The following SPOPL variants were observed in gnomAD, a reference collection of about 807,000 sequenced individuals.
The protein encoded by SPOPL is speckle-type POZ protein-like.
SPOPL carries 23 observed loss-of-function variants against 53.8 expected under a neutral mutation model. The observed-to-expected ratio is 0.43, with a 90% confidence interval of 0.31 to 0.61. SPOPL has a LOEUF of 0.61. Ranked by LOEUF, SPOPL falls within the 20% of genes least tolerant of loss-of-function variation. SPOPL has a pLI of 0.12. For synonymous variants in SPOPL, 164 were observed against 149.7 expected, an observed-to-expected ratio of 1.10 and a Z score of -0.70; for missense variants, 442 against 466.9, an observed-to-expected ratio of 0.95 and a Z score of 0.49.
At chr2:138,533,544 C>T (rs1684859774) in intron 1 of SPOPL, among the ~76,000 whole-genome samples, 1 of 151,798 alleles carries the variant, frequency 6.6e-6, no homozygotes, top group African/African-American at 2.4e-5. Flanking sequence ...ATTGTATTTC[C>T]CTAAAGTCAT....
chr2:138,550,332 A>T, intron 2 of SPOPL, 38 bp downstream of exon 2: 1 of 1,610,470 alleles, frequency 6.2e-7, no homozygotes, highest in African/African-American at 1.3e-5. Context: ...TATGTCACTT[A>T]TAAATTTTAC....
At chr2:138,524,228 T>C (rs530918794) in intron 1 of SPOPL, among the ~76,000 whole-genome samples, 1 of 152,334 alleles carries the variant, frequency 6.6e-6, no homozygotes, top group African/African-American at 2.4e-5. Flanking sequence ...GCCTGAGCTG[T>C]ACCTTGACCC....
intron 1 of SPOPL, among the ~76,000 whole-genome samples, chr2:138,511,149 T>G (rs1248927146): frequency 6.6e-6 from 1 of 152,222 alleles, no homozygotes; most frequent in Non-Finnish European, 1.5e-5. Flanking sequence ...TGTAAGCATT[T>G]TATCAATGGC....
intron 1 of SPOPL, among the ~76,000 whole-genome samples, chr2:138,543,556 G>T (rs1005163228): frequency 1.3e-5 from 2 of 152,050 alleles, no homozygotes. Flanking sequence ...ATTCATCACG[G>T]AGTTCTCGTG....
At chr2:138,511,914 C>A (rs1684332898) in intron 1 of SPOPL, among the ~76,000 whole-genome samples, 1 of 152,060 alleles carries the variant, frequency 6.6e-6, no homozygotes, top group Admixed American at 6.6e-5. Context: ...TACTTAAAGT[C>A]TTAGTTTTCT....
At chr2:138,567,644 C>T (rs536422865) in intron 10 of SPOPL, among the ~76,000 whole-genome samples, 4 of 151,902 alleles carry the variant, frequency 2.6e-5, no homozygotes, top group Admixed American at 1.3e-4. Context: ...GGGGAGGTTG[C>T]GGTGGCAATA....
At chr2:138,519,610 G>A (rs1170740649) in intron 1 of SPOPL, among the ~76,000 whole-genome samples, 1 of 152,064 alleles carries the variant, frequency 6.6e-6, no homozygotes, top group Admixed American at 6.5e-5. Context: ...ACTGGCCTGG[G>A]CAACATAGTG....
chr2:138,507,255 C>T (rs755028651), intron 1 of SPOPL, among the ~76,000 whole-genome samples: 9 of 152,046 alleles, frequency 5.9e-5, no homozygotes, highest in African/African-American at 1.7e-4. Flanking sequence ...TGAGTTCAGA[C>T]GTGTTTTTAG....
Position 138,573,263 on chromosome 2 carries a change from A to G in SPOPL, c.*4183A>G, listed in dbSNP as rs964234201. On this transcript the variant is annotated 3_prime_UTR_variant, in exon 11 of 11. Coordinates refer to ENST00000280098, the MANE Select transcript of SPOPL (RefSeq NM_001001664.3). Reference sequence around the variant, plus strand: ...GGCTTATCTTGTGTTTATTTGAAGAATACATACTCTTCTTTTTCAGGTTGG... The same window carrying G: ...GGCTTATCTTGTGTTTATTTGAAGAGTACATACTCTTCTTTTTCAGGTTGG... The G allele has an allele frequency of 1.6e-4, 24 of 152,168 alleles. No individual in the cohort carries two copies. The highest frequency in any genetic ancestry group is 4.3e-4 in the African/African-American group (18 of 41,444). The allele number at this position is 152,168 out of a possible 1,614,324, so 9.4% of individuals were successfully genotyped here. A position where few individuals can be genotyped will look rare whatever the true frequency, so the allele number is the denominator to read the frequency against.
chr2:138,550,794 T>G (rs978449652), intron 3 of SPOPL, 109 bp from the exon 4 acceptor site: 2 of 1,432,684 alleles, frequency 1.4e-6, no homozygotes, highest in South Asian at 1.4e-5. Context: ...GTTTGTGACA[T>G]TAACACATGA....
At chr2:138,502,389 G>T (rs145571673) in intron 1 of SPOPL, among the ~76,000 whole-genome samples, 1 of 152,260 alleles carries the variant, frequency 6.6e-6, no homozygotes, top group Non-Finnish European at 1.5e-5. Flanking sequence ...CACCTTCCAG[G>T]ATCCCCTTTA....
intron 1 of SPOPL, among the ~76,000 whole-genome samples, chr2:138,529,498 CTGTGTGTGTGTG>C (rs58483992): frequency 1.2e-3 from 184 of 147,668 alleles, no homozygotes; most frequent in South Asian, 0.01. Context: ...ATGCATGTGC[CTGTGTGTGTGTG>C]TGTGTGTGTG....
chr2:138,545,371 C>T (rs1185407587), intron 1 of SPOPL, among the ~76,000 whole-genome samples: 1 of 152,058 alleles, frequency 6.6e-6, no homozygotes. Context: ...ATGCCACAGC[C>T]CTTTCTCACT....
intron 8 of SPOPL, among the ~76,000 whole-genome samples, chr2:138,563,916 A>G (rs1179945741): frequency 2.0e-5 from 3 of 152,248 alleles, no homozygotes; most frequent in Non-Finnish European, 4.4e-5. Flanking sequence ...ATATCTATGT[A>G]TGATGGAATA....
intron 1 of SPOPL, among the ~76,000 whole-genome samples, chr2:138,511,773 C>T (rs1553467400): frequency 6.6e-6 from 1 of 152,162 alleles, no homozygotes; most frequent in Admixed American, 6.5e-5. Context: ...AGACAACTCA[C>T]CTCCCAAAAT....
chr2:138,550,839 C>T lies in SPOPL; in HGVS notation c.201-64C>T, dbSNP rs914384613. The T allele has an allele frequency of 2.6e-6, 4 of 1,536,896 alleles. No homozygotes were observed. In the African/African-American group the frequency reaches 5.6e-5, roughly 21 times the overall value. On this transcript the variant is annotated intron_variant, in intron 3 of 10. Transcript: ENST00000280098. Reference sequence around the variant, plus strand: ...TCTCTCTCTCTCTTTCTCTCTCTCTCTCTCTCTCTCGAATGCTTTTCAAGT... The same window carrying T: ...TCTCTCTCTCTCTTTCTCTCTCTCTTTCTCTCTCTCGAATGCTTTTCAAGT...
intron 1 of SPOPL, among the ~76,000 whole-genome samples, chr2:138,513,630 CT>C (rs1354375916): frequency 2.6e-5 from 4 of 151,680 alleles, no homozygotes; most frequent in Non-Finnish European, 5.9e-5. Flanking sequence ...GTCCCAGCTA[CT>C]CAGGAAGCTG....
At chr2:138,503,114 C>G (rs899067689) in intron 1 of SPOPL, among the ~76,000 whole-genome samples, 3 of 152,182 alleles carry the variant, frequency 2.0e-5, no homozygotes, top group African/African-American at 7.2e-5. Context: ...AATTACATCT[C>G]TCCTGCCACG....
At chr2:138,561,385 G>T (rs1410016046) in intron 8 of SPOPL, among the ~76,000 whole-genome samples, 1 of 151,898 alleles carries the variant, frequency 6.6e-6, no homozygotes, top group South Asian at 2.1e-4. Context: ...ATACTTTTTT[G>T]TAATGATGAT....
Sources: allele counts gnomAD v4.1 joint callset (sites outside exome capture counted in the v4.1 genomes callset), GRCh38; gene constraint gnomAD v4.1.1; transcripts MANE v1.5; gene names NCBI Gene and HGNC (gene_info 2026-07-23, HGNC 2026-07-21).